Variants in RASGEF1B observed in about 807,000 individuals in gnomAD.
The protein encoded by RASGEF1B is ras-GEF domain-containing family member 1B.
Under a neutral mutation model 65.7 loss-of-function variants are expected in RASGEF1B, and 30 were observed. The ratio of observed to expected loss-of-function variants is 0.46; its 90% CI spans 0.34 to 0.62. The LOEUF is 0.62. Among genes scored for constraint, RASGEF1B ranks in the 20% least tolerant of loss-of-function variants. The pLI is 0.01. For missense variants in RASGEF1B, 495 were observed against 580.1 expected (o/e 0.85, Z 1.51); for synonymous variants, 175 against 194.8 (o/e 0.90, Z 0.85).
At chr4:81,429,812 G>T (rs1472526029) in intron 13 of RASGEF1B, among the ~76,000 whole-genome samples, 2 of 151,918 alleles carry the variant, frequency 1.3e-5, no homozygotes, top group Non-Finnish European at 2.9e-5. Flanking sequence ...CTGAGGAGCG[G>T]CTGGTCGTCG....
chr4:81,433,155 G>T (rs537773204), intron 12 of RASGEF1B, among the ~76,000 whole-genome samples: 1 of 151,726 alleles, frequency 6.6e-6, no homozygotes, highest in Non-Finnish European at 1.5e-5. Flanking sequence ...CTTGAGCCCA[G>T]GAGGTTGAGG....
intron 1 of RASGEF1B, among the ~76,000 whole-genome samples, chr4:81,467,981 T>C (rs910146360): frequency 2.0e-5 from 3 of 152,228 alleles, no homozygotes; most frequent in African/African-American, 7.2e-5. Flanking sequence ...TACTTAGCAC[T>C]TAAAATGTGG....
intron 1 of RASGEF1B, among the ~76,000 whole-genome samples, chr4:81,469,971 G>C (rs1722966517): frequency 6.6e-6 from 1 of 152,154 alleles, no homozygotes; most frequent in Non-Finnish European, 1.5e-5. Context: ...GACCCGACAT[G>C]CAGTGGAAGA....
intron 12 of RASGEF1B, among the ~76,000 whole-genome samples, chr4:81,432,572 A>G (rs1721468285): frequency 6.6e-6 from 1 of 152,176 alleles, no homozygotes; most frequent in South Asian, 2.1e-4. Context: ...TGAAAACCCA[A>G]GGGCTTCTAA....
chr4:81,439,742 G>A (rs1303136572), intron 10 of RASGEF1B, among the ~76,000 whole-genome samples: 1 of 152,138 alleles, frequency 6.6e-6, no homozygotes, highest in Non-Finnish European at 1.5e-5. Context: ...CTAATCACAA[G>A]AGTACTGGGA....
intron 1 of RASGEF1B, among the ~76,000 whole-genome samples, chr4:81,469,654 T>TACACACAC (rs35924621): frequency 5.0e-4 from 76 of 151,020 alleles, no homozygotes; most frequent in African/African-American, 1.7e-3. Context: ...TGTGTATATA[T>TACACACAC]ACACACACAC....
chr4:81,461,869 G>A (rs557774225), intron 1 of RASGEF1B, among the ~76,000 whole-genome samples: 36 of 152,256 alleles, frequency 2.4e-4, no homozygotes, highest in African/African-American at 7.9e-4. Context: ...GAGGCACATC[G>A]CTGCACTCTT....
At chr4:81,434,313 C>T (rs966809359) in intron 11 of RASGEF1B, among the ~76,000 whole-genome samples, 5 of 152,118 alleles carry the variant, frequency 3.3e-5, no homozygotes, top group Non-Finnish European at 5.9e-5. Context: ...GGCCTCCTAA[C>T]GCACTGGTAT....
chr4:81,466,954 A>G lies in RASGEF1B; in HGVS notation c.-7+4816T>C, dbSNP rs945912215. Among the ~76,000 whole-genome samples, 321 of 150,498 alleles carry G rather than the reference A, an allele frequency of 2.1e-3. 4 individuals carry two copies. Among genetic ancestry groups the G allele is most frequent in the African/African-American group, 7.4e-3 (302 of 41,042 alleles). On this transcript the variant is annotated intron_variant, in intron 1 of 13. Transcript: ENST00000264400. ...TACCTCCTTAAAAAAAAAAAAAAAA[A>G]AGAAAAAAAAGGTATTGTATTGAGA... is the stretch of plus-strand genomic sequence containing the variant.
In RASGEF1B at chr4:81,426,910, C is replaced by A. The variant is rs1721240503; in HGVS notation, c.*858G>T. On this transcript the variant is annotated 3_prime_UTR_variant, in exon 14 of 14. Coordinates refer to ENST00000264400, the MANE Select transcript of RASGEF1B (RefSeq NM_152545.3). ...GAAAAATAACAGGCATCATGGAAAACTAAGTAACAAAAAGCTATTGAAAAA... is the reference window on the plus strand; with the variant it reads ...GAAAAATAACAGGCATCATGGAAAAATAAGTAACAAAAAGCTATTGAAAAA... The A allele has an allele frequency of 8.8e-6, 1 of 113,752 alleles. No homozygotes were observed. Among genetic ancestry groups the A allele is most frequent in the Non-Finnish European group, 1.7e-5 (1 of 57,708 alleles). The allele number at this position is 113,752 out of a possible 1,614,324, so 7.0% of individuals were successfully genotyped here. A position where few individuals can be genotyped will look rare whatever the true frequency, so the allele number is the denominator to read the frequency against.
At chr4:81,459,661 C>T in intron 1 of RASGEF1B, 147 bp from the exon 2 acceptor site, 2 of 616,888 alleles carry the variant, frequency 3.2e-6, no homozygotes, top group Non-Finnish European at 2.7e-6. Flanking sequence ...GAATCAGAGC[C>T]CATCAGGAAC....
intron 2 of RASGEF1B, 115 bp downstream of exon 2, chr4:81,459,217 T>C: frequency 1.2e-6 from 1 of 805,550 alleles, no homozygotes; most frequent in Non-Finnish European, 1.9e-6. Flanking sequence ...AATTTCTTGT[T>C]AGAAAAATTC....
At chr4:81,466,596 A>G (rs1349676616) in intron 1 of RASGEF1B, among the ~76,000 whole-genome samples, 3 of 151,742 alleles carry the variant, frequency 2.0e-5, no homozygotes, top group Admixed American at 6.6e-5. Context: ...TGTCTCTACT[A>G]AAAACACAAA....
At chr4:81,465,623 T>C (rs1156355534) in intron 1 of RASGEF1B, among the ~76,000 whole-genome samples, 1 of 152,228 alleles carries the variant, frequency 6.6e-6, no homozygotes, top group Non-Finnish European at 1.5e-5. Context: ...GCATGCCTAA[T>C]GGTTTCAAAT....
chr4:81,469,654 TACAC>T lies in RASGEF1B; in HGVS notation c.-7+2112_-7+2115del, dbSNP rs35924621. ...ATATATGTACATATATGTGTATATA[TACAC>T]ACACACACACACACATATAAATAAT... On this transcript the variant is annotated intron_variant, in intron 1 of 13. Coordinates refer to ENST00000264400, the MANE Select transcript of RASGEF1B (RefSeq NM_152545.3). Among the ~76,000 whole-genome samples, 217 of 151,010 alleles carry T rather than the reference TACAC, an allele frequency of 1.4e-3. 1 individual carries two copies. Among genetic ancestry groups the T allele is most frequent in the South Asian group, 9.6e-3 (46 of 4,768 alleles).
rs1309581572 is a variant in RASGEF1B at position 81,456,693 on chromosome 4, T to A, written c.396A>T (p.Arg132Ser). ...PYDFRDERMM[R>S]NLKDLAHRIA... ...TTCGGTGAGCCAGATCTTTTAAGTTTCTCATCATTCTTTCATCCCGAAAAT... is the reference window on the plus strand; with the variant it reads ...TTCGGTGAGCCAGATCTTTTAAGTTACTCATCATTCTTTCATCCCGAAAAT... The change falls in exon 4 of 14, where the codon AGA becomes AGT. Residue 132 changes from arginine (R) to serine (S), a missense_variant. Physicochemically the swap from Arg to Ser is moderately radical, Grantham distance 110 (BLOSUM62 -1). Coordinates refer to ENST00000264400, the MANE Select transcript of RASGEF1B (RefSeq NM_152545.3). The A allele has an allele frequency of 6.2e-7, 1 of 1,614,222 alleles. No individual in the cohort carries two copies. Among genetic ancestry groups the A allele is most frequent in the East Asian group, 2.2e-5 (1 of 44,880 alleles).
chr4:81,465,610 A>G (rs1211089836), intron 1 of RASGEF1B, among the ~76,000 whole-genome samples: 2 of 152,222 alleles, frequency 1.3e-5, no homozygotes, highest in African/African-American at 4.8e-5. Context: ...ATGGATTTGA[A>G]AGGCATGCCT....
At position 81,448,266 on chromosome 4, in the gene RASGEF1B, C is replaced by A. The variant is rs1449401538; in HGVS notation, c.457G>T (p.Val153Phe). The A allele has an allele frequency of 1.2e-6, 2 of 1,612,586 alleles. No homozygotes were observed. The highest frequency in any genetic ancestry group is 2.2e-5 in the South Asian group (2 of 91,018). ...ATCAGACACTGCATCATTTGCTGGACATTCTTTCTGTATGTCTGCTAGGGA... is the reference window on the plus strand; with the variant it reads ...ATCAGACACTGCATCATTTGCTGGAAATTCTTTCTGTATGTCTGCTAGGGA... ...SGEEQTYRKN[V>F]QQMMQCLIRK... The change falls in exon 5 of 14, where the codon GTC becomes TTC. Residue 153 changes from valine (V) to phenylalanine (F), a missense_variant. Transcript: ENST00000264400.
chr4:81,471,145 A>C (rs2110004095), intron 1 of RASGEF1B: 1 of 151,346 alleles, frequency 6.6e-6, no homozygotes, highest in South Asian at 2.1e-4. Context: ...ACAGCACATC[A>C]CCTTGTCGGT....
Sources: allele counts gnomAD v4.1 joint callset (sites outside exome capture counted in the v4.1 genomes callset), GRCh38; gene constraint gnomAD v4.1.1; transcripts MANE v1.5; gene names NCBI Gene and HGNC (gene_info 2026-07-23, HGNC 2026-07-21).